PDP1: variants seen among roughly 807,000 people sequenced by gnomAD.
PDP1 encodes pyruvate dehyrogenase phosphatase catalytic subunit 1.
In PDP1, 14 loss-of-function variants were observed where a neutral mutation model predicts 37.1. That is an observed-to-expected ratio of 0.38 (90% CI 0.25 to 0.59). The LOEUF is 0.59. Ranked by LOEUF, PDP1 falls within the 20% of genes least tolerant of loss-of-function variation. The pLI is 0.67. For synonymous variants in PDP1, 251 were observed against 243.3 expected (o/e 1.03, Z -0.29); for missense variants, 544 against 655.3 (o/e 0.83, Z 1.85).
chr8:93,922,566 C>T lies in PDP1; in HGVS notation c.507C>T (p.Pro169=). The part of the protein sequence containing the change: ...LFYYIAVSLL[P]HETLLEIENA... ...ATTATATTGCTGTCTCTTTGTTACC[C>T]CATGAGACTTTGCTAGAGATTGAAA... Residue 169 remains proline, a synonymous_variant, in exon 2 of 2, where the codon CCC becomes CCT. Transcript: ENST00000297598. This position sits in a 1 kb window ranked among gnomAD's most constrained non-coding sequence, Gnocchi z 4.0. 4.3e-6 allele frequency: 7 copies of T among 1,614,018 alleles called. No homozygotes were observed. Among genetic ancestry groups the T allele is most frequent in the Non-Finnish European group, 5.9e-6 (7 of 1,180,018 alleles).
In PDP1 at chr8:93,922,109, T is replaced by C. The variant is rs746711864; in HGVS notation, c.50T>C (p.Leu17Pro). The change falls in exon 2 of 2, where the codon CTG (leucine) becomes CCG (proline). Residue 17 changes from leucine (L) to proline (P), a missense_variant. Leu to Pro is a moderately conservative substitution (Grantham distance 98). Transcript: ENST00000297598. The surrounding 1 kb of genome is among the most constrained non-coding windows in gnomAD (Gnocchi z 4.0). ...TTTCCTCTCATCCGTAACTGTGAAC[T>C]GAGCAGGATCTATGGCACTGCATGT... ...LFFPLIRNCE[L>P]SRIYGTACYC... 1.9e-6 allele frequency: 3 copies of C among 1,613,860 alleles called. No individual in the cohort carries two copies. The highest frequency in any genetic ancestry group is 2.5e-6 in the Non-Finnish European group (3 of 1,179,828).
intron 1 of PDP1, among the ~76,000 whole-genome samples, chr8:93,919,602 A>G (rs1810200365): frequency 6.7e-6 from 1 of 149,436 alleles, no homozygotes; most frequent in South Asian, 2.1e-4. Context: ...TTATGCATCT[A>G]TCAACCCTCC....
chr8:93,917,930 G>A (rs1305319365), intron 1 of PDP1: 2 of 1,613,934 alleles, frequency 1.2e-6, no homozygotes, highest in African/African-American at 1.3e-5. Context: ...TGTGTGTCCC[G>A]GGCCCAGACG....
rs1008406139 is a variant in PDP1 at position 93,917,781 on chromosome 8, C to T, written c.-45+702C>T. 1.9e-6 allele frequency: 3 copies of T among 1,558,316 alleles called. No individual in the cohort carries two copies. The African/African-American group carries it at 4.1e-5, about 21-fold the overall frequency. ...GCTGGAGCGAGACCTCGCCCCTCCT[C>T]CGCTCCCGCCTCCCCGCCGCCGCCT... is the stretch of plus-strand genomic sequence containing the variant. On this transcript the variant is annotated intron_variant, in intron 1 of 1. Coordinates refer to ENST00000297598, the MANE Select transcript of PDP1 (RefSeq NM_018444.4).
chr8:93,922,858 G>T lies in PDP1; in HGVS notation c.799G>T (p.Val267Leu). Reference sequence around the variant, plus strand: ...TTTTCTCAACTACCTGGTGCTTCGAGTGGCATTTTCTGGAGCCACTGCTTG... The same window carrying T: ...TTTTCTCAACTACCTGGTGCTTCGATTGGCATTTTCTGGAGCCACTGCTTG... ...NSFLNYLVLR[V>L]AFSGATACVA... The change falls in exon 2 of 2, where the codon GTG becomes TTG. Residue 267 changes from valine (V) to leucine (L), a missense_variant. Val to Leu is a conservative substitution (Grantham distance 32, BLOSUM62 1). Transcript: ENST00000297598. This position sits in a 1 kb window ranked among gnomAD's most constrained non-coding sequence, Gnocchi z 4.0. 1 of 1,614,236 alleles carries T rather than the reference G, an allele frequency of 6.2e-7. No homozygotes were observed. The highest frequency in any genetic ancestry group is 8.5e-7 in the Non-Finnish European group (1 of 1,180,044).
At chr8:93,918,087 G>A (rs1810142887) in intron 1 of PDP1, 2 of 898,350 alleles carry the variant, frequency 2.2e-6, no homozygotes, top group Non-Finnish European at 3.4e-6. Context: ...CTTGGATTGA[G>A]ATAGCTTTGA....
Position 93,923,901 on chromosome 8 carries a change from C to G in PDP1, c.*228C>G. The G allele has an allele frequency of 5.8e-6, 3 of 515,786 alleles. No individual in the cohort carries two copies. In the South Asian group the frequency reaches 6.3e-5, roughly 11 times the overall value. 32.0% of individuals were successfully genotyped at this position (515,786 alleles called of 1,614,324 possible). On this transcript the variant is annotated 3_prime_UTR_variant, in exon 2 of 2. Coordinates refer to ENST00000297598, the MANE Select transcript of PDP1 (RefSeq NM_018444.4). This position sits in a 1 kb window ranked among gnomAD's most constrained non-coding sequence, Gnocchi z 4.3. ...CATGGCACCTGCACTTGAAGCAAGT[C>G]ACTTCTTTATCACAGGTGTCTTGAA... is the stretch of plus-strand genomic sequence containing the variant.
In PDP1 at chr8:93,922,783, A is replaced by G; in HGVS notation, c.724A>G (p.Arg242Gly). 6.2e-7 allele frequency: 1 copy of G among 1,614,220 alleles called. No individual in the cohort carries two copies. The highest frequency in any genetic ancestry group is 1.1e-5 in the South Asian group (1 of 91,080). Reference protein sequence around the residue: ...VKEALINAFKRLDNDISLEAQ... With the variant: ...VKEALINAFKGLDNDISLEAQ... Reference sequence around the variant, plus strand: ...GGAGGCTCTAATTAATGCCTTCAAGAGGCTTGATAATGACATCTCCTTGGA... The same window carrying G: ...GGAGGCTCTAATTAATGCCTTCAAGGGGCTTGATAATGACATCTCCTTGGA... The change falls in exon 2 of 2, where the codon AGG (arginine) becomes GGG (glycine). Residue 242 changes from arginine to glycine, a missense_variant. Coordinates refer to ENST00000297598, the MANE Select transcript of PDP1 (RefSeq NM_018444.4). This position sits in a 1 kb window ranked among gnomAD's most constrained non-coding sequence, Gnocchi z 4.0.
In PDP1 at chr8:93,923,398, G is replaced by C. The variant is rs1810345449; in HGVS notation, c.1339G>C (p.Ala447Pro). ...TGGCATGCATCACCAACAGCCAATAGCTGTTGGTGGCTACAAGGTGACTCT... is the reference window on the plus strand; with the variant it reads ...TGGCATGCATCACCAACAGCCAATACCTGTTGGTGGCTACAAGGTGACTCT... ...LTGMHHQQPI[A>P]VGGYKVTLGQ... Residue 447 changes from alanine to proline, a missense_variant, in exon 2 of 2, where the codon GCT (alanine) becomes CCT (proline). This residue lies in a region of PDP1 where 159 missense variants were observed against 165.5 expected (regional missense o/e 0.96). Transcript: ENST00000297598. The surrounding 1 kb of genome is among the most constrained non-coding windows in gnomAD (Gnocchi z 4.3). 15 of 1,608,486 alleles carry C rather than the reference G, an allele frequency of 9.3e-6. No individual in the cohort carries two copies. Among genetic ancestry groups the C allele is most frequent in the Non-Finnish European group, 1.3e-5 (15 of 1,176,350 alleles).
intron 1 of PDP1, chr8:93,920,934 C>T (rs570718869): frequency 1.0e-6 from 1 of 981,952 alleles, no homozygotes; most frequent in East Asian, 1.1e-4. Flanking sequence ...TACTTTGGAT[C>T]CATAGTAGAT....
intron 1 of PDP1, chr8:93,917,639 T>G (rs952691496): frequency 1.2e-5 from 7 of 605,032 alleles, no homozygotes; most frequent in Non-Finnish European, 2.0e-5. Context: ...CCCGCTGCCT[T>G]GGGCTGTGGC....
Position 93,922,526 on chromosome 8 carries a change from G to A in PDP1, c.467G>A (p.Ser156Asn). 1 of 1,613,912 alleles carries A rather than the reference G, an allele frequency of 6.2e-7. No individual in the cohort carries two copies. The highest frequency in any genetic ancestry group is 8.5e-7 in the Non-Finnish European group (1 of 1,180,030). The change falls in exon 2 of 2, where the codon AGT (serine) becomes AAT (asparagine). Residue 156 changes from serine (S) to asparagine (N), a missense_variant. Coordinates refer to ENST00000297598, the MANE Select transcript of PDP1 (RefSeq NM_018444.4). This position sits in a 1 kb window ranked among gnomAD's most constrained non-coding sequence, Gnocchi z 4.0. Reference protein sequence around the residue: ...HAGCACSQAVSERLFYYIAVS... With the variant: ...HAGCACSQAVNERLFYYIAVS... ...GGTTGTGCTTGTTCCCAGGCAGTCA[G>A]TGAAAGACTCTTTTATTATATTGCT...
intron 1 of PDP1, chr8:93,920,739 T>TTA: frequency 1.2e-6 from 1 of 864,236 alleles, no homozygotes; most frequent in Non-Finnish European, 1.4e-6. Context: ...TTTTTTTTTT[T>TTA]AATGTGAGAG....
chr8:93,922,716 T>C lies in PDP1; in HGVS notation c.657T>C (p.Leu219=), dbSNP rs374859758. The C allele has an allele frequency of 5.6e-6, 9 of 1,614,092 alleles. No individual in the cohort carries two copies. Among genetic ancestry groups the C allele is most frequent in the Non-Finnish European group, 7.6e-6 (9 of 1,179,960 alleles). The change falls in exon 2 of 2, where the codon CTT becomes CTC. Residue 219 remains leucine, a synonymous_variant. Coordinates refer to ENST00000297598, the MANE Select transcript of PDP1 (RefSeq NM_018444.4). This position sits in a 1 kb window ranked among gnomAD's most constrained non-coding sequence, Gnocchi z 4.0. The part of the protein sequence containing the change: ...FNSLRTYWQE[L]IDLNTGESTD... ...GCTTGAGGACTTACTGGCAAGAGCT[T>C]ATAGACCTCAACACTGGTGAGTCGA...
chr8:93,922,546 A>T lies in PDP1; in HGVS notation c.487A>T (p.Ile163Phe). The T allele has an allele frequency of 6.2e-7, 1 of 1,613,876 alleles. No homozygotes were observed. Among genetic ancestry groups the T allele is most frequent in the Non-Finnish European group, 8.5e-7 (1 of 1,179,986 alleles). ...QAVSERLFYY[I>F]AVSLLPHETL... ...AGTCAGTGAAAGACTCTTTTATTAT[A>T]TTGCTGTCTCTTTGTTACCCCATGA... The change falls in exon 2 of 2, where the codon ATT (isoleucine) becomes TTT (phenylalanine). Residue 163 changes from isoleucine (I) to phenylalanine (F), a missense_variant. This residue lies in a region of PDP1 where 342 missense variants were observed against 414.0 expected (regional missense o/e 0.83). Transcript: ENST00000297598. The surrounding 1 kb of genome is among the most constrained non-coding windows in gnomAD (Gnocchi z 4.0).
chr8:93,918,058 G>T, intron 1 of PDP1: 1 of 1,186,530 alleles, frequency 8.4e-7, no homozygotes. Flanking sequence ...AGATAGATTG[G>T]AAAAAGGGAC....
chr8:93,917,132 C>G (rs919731399), intron 1 of PDP1, 53 bp downstream of exon 1: 1 of 445,310 alleles, frequency 2.2e-6, no homozygotes, highest in South Asian at 1.6e-5. Context: ...ATCCTCCACC[C>G]GTCCAAAGTT....
At chr8:93,917,649 C>CT (rs1420943608) in intron 1 of PDP1, 31 of 650,986 alleles carry the variant, frequency 4.8e-5, no homozygotes, top group Non-Finnish European at 7.4e-5. Context: ...TGGGCTGTGG[C>CT]TTTGCCTCCC....
chr8:93,925,208 C>T lies in PDP1; in HGVS notation c.*1535C>T, dbSNP rs899697636. 11 of 166,964 alleles carry T rather than the reference C, an allele frequency of 6.6e-5. No homozygotes were observed. The highest frequency in any genetic ancestry group is 1.9e-4 in the African/African-American group (8 of 41,440). 10.3% of individuals were successfully genotyped at this position (166,964 alleles called of 1,614,324 possible). On this transcript the variant is annotated 3_prime_UTR_variant, in exon 2 of 2. Coordinates refer to ENST00000297598, the MANE Select transcript of PDP1 (RefSeq NM_018444.4). ...TCCTTCTGGACTGTGGATACTGAAT[C>T]AGTGTACTATTGGCTGCAGAATTTG... is the stretch of plus-strand genomic sequence containing the variant.
Sources: gnomAD v4.1 joint callset for allele counts (sites outside exome capture counted in the v4.1 genomes callset) on GRCh38, gnomAD v4.1.1 for gene constraint, gnomAD v4.1.1 regional missense constraint, Gnocchi (gnomAD v3.1) non-coding constraint, MANE v1.5 for transcripts, NCBI Gene and HGNC (gene_info 2026-07-23, HGNC 2026-07-21) for gene names.